GLDN: variants seen among roughly 807,000 people sequenced by gnomAD.
GLDN encodes collomin.
Under a neutral mutation model 56.5 loss-of-function variants are expected in GLDN, and 47 were observed. The observed-to-expected ratio is 0.83, with a 90% CI of 0.66 to 1.06. The LOEUF (loss-of-function observed/expected upper bound fraction) is 1.06. GLDN is among the 50% of genes least tolerant of loss of function. GLDN has a pLI of 0.00. For missense variants in GLDN, 782 were observed against 714.3 expected (o/e 1.09, Z -1.08); for synonymous variants, 332 against 278.8 (o/e 1.19, Z -1.90).
intron 1 of GLDN, among the ~76,000 whole-genome samples, chr15:51,368,000 T>G (rs1289640596): frequency 6.6e-6 from 1 of 152,020 alleles, no homozygotes; most frequent in Non-Finnish European, 1.5e-5. Flanking sequence ...ATTATTGGAG[T>G]AGCTGCAAAA....
intron 6 of GLDN, 110 bp from the exon 7 acceptor site, chr15:51,400,082 T>A: frequency 1.1e-6 from 1 of 899,560 alleles, no homozygotes; most frequent in Non-Finnish European, 1.8e-6. Flanking sequence ...GCAAGGGATG[T>A]TTATGAGACT....
chr15:51,408,653 T>G (rs1029952989), downstream of GLDN, among the ~76,000 whole-genome samples: 5 of 152,188 alleles, frequency 3.3e-5, no homozygotes, highest in African/African-American at 1.2e-4. Context: ...TCATTTACAT[T>G]AGGTATATCT....
chr15:51,408,267 A>T (rs1324066219), downstream of GLDN, among the ~76,000 whole-genome samples: 1 of 152,216 alleles, frequency 6.6e-6, no homozygotes, highest in African/African-American at 2.4e-5. Flanking sequence ...TTGCCAATTC[A>T]TCAGCATGGG....
intron 1 of GLDN, among the ~76,000 whole-genome samples, chr15:51,366,298 G>A (rs79195997): frequency 0.012 from 1,760 of 152,306 alleles, 38 homozygotes; most frequent in African/African-American, 0.041. Flanking sequence ...CCTTGCTGCT[G>A]GCAGCTACCA....
chr15:51,349,278 T>C (rs2037033086), intron 1 of GLDN, among the ~76,000 whole-genome samples: 1 of 152,264 alleles, frequency 6.6e-6, no homozygotes, highest in Non-Finnish European at 1.5e-5. Flanking sequence ...TATATTTCCT[T>C]AAATTGGCTG....
In GLDN at chr15:51,400,256, A is replaced by G. The variant is rs1487002966; in HGVS notation, c.882A>G (p.Glu294=). The change falls in exon 7 of 10, where the codon GAA becomes GAG. Residue 294 remains glutamate (E), a synonymous_variant. Coordinates refer to ENST00000335449, the MANE Select transcript of GLDN (RefSeq NM_181789.4). ...GAAAAGCTGATGAGAAAGCCAGTGA[A>G]CACCATTCCCCACAAGCAGGTATAG... ...LVGKADEKAS[E]HHSPQAESMI... The G allele has an allele frequency of 6.2e-7, 1 of 1,614,254 alleles. No homozygotes were observed. The highest frequency in any genetic ancestry group is 8.5e-7 in the Non-Finnish European group (1 of 1,180,040).
chr15:51,399,768 C>T (rs2038208971), intron 6 of GLDN, among the ~76,000 whole-genome samples: 1 of 152,222 alleles, frequency 6.6e-6, no homozygotes, highest in Non-Finnish European at 1.5e-5. Context: ...TACTTCACAG[C>T]TTCCACCAGC....
chr15:51,349,724 G>C (rs1192726404), intron 1 of GLDN, among the ~76,000 whole-genome samples: 2 of 151,252 alleles, frequency 1.3e-5, no homozygotes, highest in African/African-American at 4.9e-5. Context: ...GTAATTCCCT[G>C]GAACGGCACT....
intron 4 of GLDN, among the ~76,000 whole-genome samples, chr15:51,386,213 T>C (rs997972401): frequency 6.6e-6 from 1 of 152,150 alleles, no homozygotes; most frequent in African/African-American, 2.4e-5. Flanking sequence ...CCTCCACTCA[T>C]ACTGAGAGTG....
At chr15:51,366,248 G>T (rs899666883) in intron 1 of GLDN, among the ~76,000 whole-genome samples, 1 of 152,162 alleles carries the variant, frequency 6.6e-6, no homozygotes, top group Non-Finnish European at 1.5e-5. Context: ...CAGGATTTCT[G>T]GTTCTGGAAC....
Position 51,401,703 on chromosome 15 carries a change from T to A in GLDN, c.1138T>A (p.Ser380Thr). ...CTGTGGGCACGTTGTTTACAACAAC[T>A]CTCTCTACTACCACAAAGGGGGTTC... ...HGCGHVVYNN[S>T]LYYHKGGSNT... The change falls in exon 9 of 10, where the codon TCT becomes ACT. Residue 380 changes from serine (S) to threonine (T), a missense_variant. Physicochemically the swap from Ser to Thr is moderately conservative, Grantham distance 58. Transcript: ENST00000335449. The A allele has an allele frequency of 1.2e-6, 2 of 1,614,152 alleles. No individual in the cohort carries two copies. Among genetic ancestry groups the A allele is most frequent in the Non-Finnish European group, 1.7e-6 (2 of 1,179,978 alleles).
At position 51,341,975 on chromosome 15, in the gene GLDN, C is replaced by T. The variant is rs1300883055; in HGVS notation, c.291C>T (p.Ser97=). 2 of 1,597,620 alleles carry T rather than the reference C, an allele frequency of 1.3e-6. No individual in the cohort carries two copies. Among genetic ancestry groups the T allele is most frequent in the Non-Finnish European group, 1.7e-6 (2 of 1,179,480 alleles). The stretch of plus-strand genomic sequence containing the variant: ...CAGCTCGCAACAAGCGCAGCCACAG[C>T]GGCGAGCCCGCGCCGCATATCCGCG... ...ASSARNKRSH[S]GEPAPHIRAE... Residue 97 remains serine, a synonymous_variant, in exon 1 of 10, where the codon AGC becomes AGT. Transcript: ENST00000335449.
rs767684508 is a variant in GLDN, at chr15:51,400,473, G to A, written c.1002G>A (p.Arg334=). 6.2e-7 allele frequency: 1 copy of A among 1,614,162 alleles called. No homozygotes were observed. The highest frequency in any genetic ancestry group is 8.5e-7 in the Non-Finnish European group (1 of 1,180,036). Residue 334 remains arginine (R), a synonymous_variant, in exon 8 of 10, where the codon CGG becomes CGA. Transcript: ENST00000335449. ...IRESANKSDD[R]IWVTEHFSGI... ...AGTCTGCTAACAAGAGTGATGACCG[G>A]ATTTGGGTGACAGAGCATTTTTCAG...
intron 9 of GLDN, 119 bp downstream of exon 9, chr15:51,401,862 A>C: frequency 1.2e-6 from 1 of 856,964 alleles, no homozygotes; most frequent in Non-Finnish European, 1.8e-6. Flanking sequence ...TAGGGCTGAC[A>C]CACTGAGGTC....
chr15:51,396,373 A>G (rs1595837102), intron 5 of GLDN, among the ~76,000 whole-genome samples: 1 of 152,164 alleles, frequency 6.6e-6, no homozygotes, highest in Non-Finnish European at 1.5e-5. Flanking sequence ...CCCTACAAAT[A>G]CAGTGGCTGC....
rs1391810277 is a variant in GLDN at position 51,407,793 on chromosome 15, G to A, written c.*3039G>A. ...GTCATCTTCCAACCACACAGAGGAC[G>A]TTTTGGCTATGATCATCTGATGGCA... On this transcript the variant is annotated 3_prime_UTR_variant, in exon 10 of 10. Transcript: ENST00000335449. 3 of 152,240 alleles carry A rather than the reference G, an allele frequency of 2.0e-5. No homozygotes were observed. Among genetic ancestry groups the A allele is most frequent in the African/African-American group, 4.8e-5 (2 of 41,464 alleles). 9.4% of individuals were successfully genotyped at this position (152,240 alleles called of 1,614,324 possible).
At chr15:51,364,710 A>T (rs1453752125) in intron 1 of GLDN, among the ~76,000 whole-genome samples, 1 of 152,136 alleles carries the variant, frequency 6.6e-6, no homozygotes, top group African/African-American at 2.4e-5. Context: ...TTTGTCTACT[A>T]ATTTTTTTGT....
At chr15:51,342,829 T>C (rs1030899396) in intron 1 of GLDN, among the ~76,000 whole-genome samples, 1 of 152,114 alleles carries the variant, frequency 6.6e-6, no homozygotes, top group Admixed American at 6.5e-5. Context: ...TGGATGAGGG[T>C]CTGCAGCTTT....
chr15:51,344,226 G>T (rs746512566), intron 1 of GLDN, among the ~76,000 whole-genome samples: 1 of 152,102 alleles, frequency 6.6e-6, no homozygotes, highest in African/African-American at 2.4e-5. Flanking sequence ...GAATTAATTT[G>T]TTAGGCCACA....
Sources: gnomAD v4.1 joint callset for allele counts (sites outside exome capture counted in the v4.1 genomes callset) on GRCh38, gnomAD v4.1.1 for gene constraint, MANE v1.5 for transcripts, NCBI Gene and HGNC (gene_info 2026-07-23, HGNC 2026-07-21) for gene names.